Variants in OCA2 observed in about 807,000 individuals in gnomAD.
The protein encoded by OCA2 is OCA2 melanosomal transmembrane protein.
Under a neutral mutation model 100.2 loss-of-function variants are expected in OCA2, and 77 were observed. That is an observed-to-expected ratio of 0.77 (90% confidence interval 0.64 to 0.93). OCA2 has a LOEUF of 0.93. Ranked by LOEUF, OCA2 falls within the 40% of genes least tolerant of loss-of-function variation. The pLI is 0.00. For missense variants in OCA2, 1,062 were observed against 1,089.1 expected (o/e 0.98, Z 0.35); for synonymous variants, 432 against 439.2 (o/e 0.98, Z 0.21).
Position 27,966,761 on chromosome 15 carries a change from A to C in OCA2, c.1565T>G (p.Val522Gly). ...MFIGICLVLL[V>G]CFPLLRLLYW... ...AAGGAGTCTGAGGAGCGGAAAGCAG[A>C]CCAGGAGAACAAGGCAAATCCCAAT... Residue 522 changes from valine (V) to glycine (G), a missense_variant, in exon 15 of 24, where the codon GTC becomes GGC. Val to Gly is a moderately radical substitution (Grantham distance 109, BLOSUM62 -3). Coordinates refer to ENST00000354638, the MANE Select transcript of OCA2 (RefSeq NM_000275.3). The C allele has an allele frequency of 6.2e-7, 1 of 1,613,816 alleles. No individual in the cohort carries two copies. The highest frequency in any genetic ancestry group is 1.7e-5 in the Admixed American group (1 of 60,030).
At chr15:27,873,386 T>G (rs533948397) in intron 19 of OCA2, among the ~76,000 whole-genome samples, 26 of 152,300 alleles carry the variant, frequency 1.7e-4, no homozygotes, top group African/African-American at 5.8e-4. Flanking sequence ...GGGGATAAAA[T>G]CACCCACTGT....
intron 23 of OCA2, among the ~76,000 whole-genome samples, chr15:27,772,582 C>G (rs2031945115): frequency 6.6e-6 from 1 of 152,030 alleles, no homozygotes; most frequent in South Asian, 2.1e-4. Flanking sequence ...GTGGCTCACG[C>G]CTGTAATCCC....
At chr15:27,829,226 T>C (rs2034849863) in intron 23 of OCA2, among the ~76,000 whole-genome samples, 1 of 151,762 alleles carries the variant, frequency 6.6e-6, no homozygotes, top group Non-Finnish European at 1.5e-5. Flanking sequence ...GATAGATAGG[T>C]GACAGACAGC....
chr15:27,831,824 C>A (rs999067784), intron 23 of OCA2, among the ~76,000 whole-genome samples: 1 of 152,196 alleles, frequency 6.6e-6, no homozygotes, highest in African/African-American at 2.4e-5. Context: ...TGGTCCATGT[C>A]CCTTTCCACC....
At chr15:27,949,961 AAGC>A (rs1184007175) in intron 18 of OCA2, among the ~76,000 whole-genome samples, 3 of 152,212 alleles carry the variant, frequency 2.0e-5, no homozygotes, top group Non-Finnish European at 4.4e-5. Flanking sequence ...CAGGATTTAA[AAGC>A]AGAAAATAAA....
intron 2 of OCA2, among the ~76,000 whole-genome samples, chr15:28,070,296 G>T (rs1320687372): frequency 2.1e-5 from 3 of 141,768 alleles, no homozygotes; most frequent in Non-Finnish European, 4.5e-5. Context: ...CAGCCACCCC[G>T]TCCGGGAGGG....
chr15:28,067,977 C>T (rs1478080658), intron 2 of OCA2, among the ~76,000 whole-genome samples: 5 of 152,134 alleles, frequency 3.3e-5, no homozygotes, highest in East Asian at 1.9e-4. Context: ...AGTCTTTTTA[C>T]AGCTCAAGAA....
At chr15:27,738,628 G>A in the OCA2 span, among the ~76,000 whole-genome samples, 85,746 of 151,210 alleles carry the variant, frequency 0.57, 25,011 homozygotes, top group African/African-American at 0.68. Flanking sequence ...CCAGCTACTC[G>A]GGAGGCTGAG....
chr15:27,896,451 G>A (rs2037693073), intron 19 of OCA2: 8 of 648,186 alleles, frequency 1.2e-5, no homozygotes, highest in Admixed American at 6.5e-5. Flanking sequence ...TCCCATCTAG[G>A]AGAAGAAGCC....
chr15:27,825,308 C>T (rs557218160), intron 23 of OCA2, among the ~76,000 whole-genome samples: 9 of 152,306 alleles, frequency 5.9e-5, no homozygotes, highest in African/African-American at 2.2e-4. Context: ...TCAGGAAGCA[C>T]ACGTAGACAC....
chr15:28,094,792 C>T (rs923115856), intron 1 of OCA2, among the ~76,000 whole-genome samples: 14 of 152,174 alleles, frequency 9.2e-5, no homozygotes, highest in African/African-American at 3.1e-4. Context: ...CCCCGCCGTG[C>T]CGTGGCCTTC....
At chr15:27,864,123 C>T (rs568923305) in intron 21 of OCA2, among the ~76,000 whole-genome samples, 14 of 152,116 alleles carry the variant, frequency 9.2e-5, no homozygotes, top group African/African-American at 2.4e-4. Context: ...TGCACCTGTC[C>T]GGGGCAGACT....
intron 9 of OCA2, among the ~76,000 whole-genome samples, chr15:28,005,496 A>C (rs75987980): frequency 1.3e-5 from 2 of 152,166 alleles, no homozygotes; most frequent in Admixed American, 6.5e-5. Context: ...TTCCTTCTGC[A>C]GGCTCTAGAG....
intron 19 of OCA2, among the ~76,000 whole-genome samples, chr15:27,908,332 C>T (rs1194351672): frequency 6.6e-6 from 1 of 151,962 alleles, no homozygotes; most frequent in Admixed American, 6.6e-5. Context: ...ATTTCAACAC[C>T]CATTCTTGCT....
At chr15:27,990,485 G>C (rs1469934659) in intron 10 of OCA2, 91 bp downstream of exon 10, 1 of 1,329,158 alleles carries the variant, frequency 7.5e-7, no homozygotes, top group Non-Finnish European at 1.1e-6. Context: ...ATAAAATAGT[G>C]AAAAAACCAG....
At chr15:27,962,349 C>T (rs1174386811) in intron 15 of OCA2, among the ~76,000 whole-genome samples, 1 of 152,188 alleles carries the variant, frequency 6.6e-6, no homozygotes, top group African/African-American at 2.4e-5. Flanking sequence ...CATGTCTTAC[C>T]TCTCTATCAG....
downstream of OCA2, among the ~76,000 whole-genome samples, chr15:27,754,050 A>G (rs2150967406): frequency 6.6e-6 from 1 of 152,270 alleles, no homozygotes; most frequent in Non-Finnish European, 1.5e-5. Flanking sequence ...GGGAGTGGCC[A>G]GAAGAACCCT....
At chr15:27,801,425 G>A (rs28584093) in intron 23 of OCA2, among the ~76,000 whole-genome samples, 6,359 of 151,910 alleles carry the variant, frequency 0.042, 192 homozygotes, top group Middle Eastern at 0.078. Context: ...GGCGGCACAC[G>A]CCTATAGTCC....
At chr15:27,935,654 C>G (rs1333365427) in intron 18 of OCA2, among the ~76,000 whole-genome samples, 1 of 152,220 alleles carries the variant, frequency 6.6e-6, no homozygotes, top group African/African-American at 2.4e-5. Context: ...TCCTTCCATG[C>G]TGCCACGTTA....
Sources: allele counts gnomAD v4.1 joint callset (sites outside exome capture counted in the v4.1 genomes callset), GRCh38; gene constraint gnomAD v4.1.1; transcripts MANE v1.5; gene names NCBI Gene and HGNC (gene_info 2026-07-23, HGNC 2026-07-21).